Variants in SNAI3 observed in about 807,000 individuals in gnomAD.
The protein encoded by SNAI3 is zinc finger protein SNAI3.
A neutral mutation model predicts 16.4 loss-of-function variants in SNAI3; 21 were observed. That is an observed-to-expected ratio of 1.28 (90% confidence interval 0.91 to 1.85). SNAI3 has a LOEUF of 1.85. Ranked by LOEUF, SNAI3 falls within the 40% of genes most tolerant of loss-of-function variation. The probability of loss-of-function intolerance (pLI) is 0.00; values close to 1 mark genes in which losing one functional copy is unlikely to be tolerated. For synonymous variants in SNAI3, 202 were observed against 166.6 expected, an observed-to-expected ratio of 1.21 and a Z score of -1.64; for missense variants, 457 against 372.8, an observed-to-expected ratio of 1.23 and a Z score of -1.86.
In SNAI3 at chr16:88,678,578, G is replaced by C. The variant is rs539559423; in HGVS notation, c.749C>G (p.Ser250Cys). ...CGTTTGCAGATGGGCCCGAAGGTTG[G>C]AGCGGTCGGCAAAGGCCCTGCTGCA... ...SHCSRAFADR[S>C]NLRAHLQTHS... The change falls in exon 3 of 3, where the codon TCC becomes TGC. Residue 250 changes from serine (S) to cysteine (C), a missense_variant. By Grantham distance (112) the Ser-to-Cys change is moderately radical. Coordinates refer to ENST00000332281, the MANE Select transcript of SNAI3 (RefSeq NM_178310.4). 1.1e-6 allele frequency: 1 copy of C among 936,182 alleles called. No homozygotes were observed. 58.0% of individuals were successfully genotyped at this position (936,182 alleles called of 1,614,324 possible). A position where few individuals can be genotyped will look rare whatever the true frequency, so the allele number is the denominator to read the frequency against.
chr16:88,684,325 T>A (rs1482448793), intron 1 of SNAI3, among the ~76,000 whole-genome samples: 3 of 152,182 alleles, frequency 2.0e-5, no homozygotes, highest in African/African-American at 7.2e-5. Flanking sequence ...CAGGACCCTG[T>A]TTGTGGGCCC....
At chr16:88,684,037 G>A (rs1238404628) in intron 1 of SNAI3, among the ~76,000 whole-genome samples, 1 of 152,216 alleles carries the variant, frequency 6.6e-6, no homozygotes, top group African/African-American at 2.4e-5. Context: ...AGGAATAGGG[G>A]ATTCAAAGGA....
At chr16:88,682,175 C>G (rs538497270) in intron 1 of SNAI3, among the ~76,000 whole-genome samples, 366 of 152,280 alleles carry the variant, frequency 2.4e-3, no homozygotes, top group Non-Finnish European at 3.4e-3. Context: ...AAGGTGCCGG[C>G]TGAGTGTAAA....
intron 2 of SNAI3, among the ~76,000 whole-genome samples, chr16:88,680,274 G>GTTTTTTTT (rs1283235685): frequency 1.5e-5 from 1 of 66,502 alleles, no homozygotes. Context: ...TTATGTTTTT[G>GTTTTTTTT]ATTTTTTTTT....
Position 88,678,522 on chromosome 16 carries a change from G to T in SNAI3, c.805C>A (p.Arg269Ser), listed in dbSNP as rs567896201. 2.5e-6 allele frequency: 2 copies of T among 789,920 alleles called. No homozygotes were observed. Among genetic ancestry groups the T allele is most frequent in the Non-Finnish European group, 2.3e-6 (1 of 428,674 alleles). 48.9% of individuals were successfully genotyped at this position (789,920 alleles called of 1,614,324 possible). A position where few individuals can be genotyped will look rare whatever the true frequency, so the allele number is the denominator to read the frequency against. ...HSDAKKYRCR[R>S]CTKTFSRMSL... ...ATGCGGGAGAAGGTCTTGGTGCAGCGCCGGCACCGGTACTTCTTGGCGTCT... is the reference window on the plus strand; with the variant it reads ...ATGCGGGAGAAGGTCTTGGTGCAGCTCCGGCACCGGTACTTCTTGGCGTCT... Residue 269 changes from arginine to serine, a missense_variant, in exon 3 of 3, where the codon CGC becomes AGC. Arg to Ser is a moderately radical substitution (Grantham distance 110, BLOSUM62 -1). Transcript: ENST00000332281.
intron 2 of SNAI3, chr16:88,679,086 A>C (rs546889986): frequency 6.4e-5 from 63 of 985,418 alleles, no homozygotes; most frequent in Non-Finnish European, 7.5e-5. Context: ...AACACCTGTA[A>C]AGGGAAGTGT....
chr16:88,683,279 G>T (rs2142947491), intron 1 of SNAI3, among the ~76,000 whole-genome samples: 1 of 150,208 alleles, frequency 6.7e-6, no homozygotes, highest in African/African-American at 2.4e-5. Flanking sequence ...TCCCCCAGAT[G>T]GAGTCTCGCT....
intron 2 of SNAI3, chr16:88,679,168 G>A (rs1909075974): frequency 6.7e-6 from 6 of 901,608 alleles, no homozygotes; most frequent in Non-Finnish European, 8.0e-6. Context: ...GCCCCTGAGG[G>A]GCCCAGAGCA....
chr16:88,678,506 A>G lies in SNAI3; in HGVS notation c.821T>C (p.Phe274Ser). 1 of 784,318 alleles carries G rather than the reference A, an allele frequency of 1.3e-6. No homozygotes were observed. Among genetic ancestry groups the G allele is most frequent in the South Asian group, 1.3e-5 (1 of 74,678 alleles). The allele number at this position is 784,318 out of a possible 1,614,324, so 48.6% of individuals were successfully genotyped here. The change falls in exon 3 of 3, where the codon TTC (phenylalanine) becomes TCC (serine). Residue 274 changes from phenylalanine to serine, a missense_variant. Transcript: ENST00000332281. Reference protein sequence around the residue: ...KYRCRRCTKTFSRMSLLARHE... With the variant: ...KYRCRRCTKTSSRMSLLARHE... ...CCGCGCCAGGAGGGACATGCGGGAG[A>G]AGGTCTTGGTGCAGCGCCGGCACCG...
At chr16:88,684,737 G>C (rs898415244) in intron 1 of SNAI3, among the ~76,000 whole-genome samples, 2 of 152,118 alleles carry the variant, frequency 1.3e-5, no homozygotes, top group Non-Finnish European at 2.9e-5. Flanking sequence ...GTGATCTGCC[G>C]TCCTCGACCT....
At chr16:88,680,964 A>C in intron 2 of SNAI3, 130 bp downstream of exon 2, 1 of 1,347,860 alleles carries the variant, frequency 7.4e-7, no homozygotes, top group Non-Finnish European at 1.0e-6. Flanking sequence ...CAGATAAGTC[A>C]AAAGGCAGAA....
intron 1 of SNAI3, among the ~76,000 whole-genome samples, chr16:88,684,978 G>T (rs777699106): frequency 6.6e-6 from 1 of 152,204 alleles, no homozygotes. Context: ...GGGCTACAGT[G>T]AGGAGGGGAG....
chr16:88,681,495 C>A lies in SNAI3; in HGVS notation c.296G>T (p.Arg99Leu), dbSNP rs138632824. Residue 99 changes from arginine to leucine, a missense_variant, in exon 2 of 3, where the codon CGG (arginine) becomes CTG (leucine). Transcript: ENST00000332281. This position sits in a 1 kb window ranked among gnomAD's most constrained non-coding sequence, Gnocchi z 5.4. Reference sequence around the variant, plus strand: ...GTCTTTGAGGGGTACAATGGCGGCCCGGCTGGCCCGAGGGTCGACCTCGCT... The same window carrying A: ...GTCTTTGAGGGGTACAATGGCGGCCAGGCTGGCCCGAGGGTCGACCTCGCT... The part of the protein sequence containing the change: ...EVSEVDPRAS[R>L]AAIVPLKDSL... 1.8e-5 allele frequency: 28 copies of A among 1,552,866 alleles called. No homozygotes were observed. In the Admixed American group the frequency reaches 4.0e-4, roughly 22 times the overall value.
rs1465194079 is a variant in SNAI3, at chr16:88,678,704, A to G, written c.698-75T>C. ...GCTAAAGCACCCACCCTGCCCATCA[A>G]TGGATACTCCCATCCCTTCCCCACA... On this transcript the variant is annotated intron_variant, in intron 2 of 2. Transcript: ENST00000332281. The G allele has an allele frequency of 5.3e-5, 80 of 1,518,690 alleles. 1 individual carries two copies. The South Asian group carries it at 8.6e-4, about 16-fold the overall frequency. The allele number at this position is 1,518,690 out of a possible 1,614,324, so 94.1% of individuals were successfully genotyped here.
rs754980256 is a variant in SNAI3 at position 88,686,401 on chromosome 16, C to A, written c.6G>T (p.Pro2=). M[P]RSFLVKTHSS... ...AGTGCGTTTTCACCAGGAAGGAGCG[C>A]GGCATGTTCCCCTCCCGGGCGGCAG... Residue 2 remains proline, a synonymous_variant, in exon 1 of 3, where the codon CCG becomes CCT. Transcript: ENST00000332281. 2 of 1,610,782 alleles carry A rather than the reference C, an allele frequency of 1.2e-6. No homozygotes were observed. The highest frequency in any genetic ancestry group is 1.7e-6 in the Non-Finnish European group (2 of 1,179,388).
chr16:88,682,735 A>G (rs1339099612), intron 1 of SNAI3, among the ~76,000 whole-genome samples: 2 of 147,278 alleles, frequency 1.4e-5, no homozygotes, highest in Non-Finnish European at 3.0e-5. Flanking sequence ...AAAAAGACAA[A>G]TAATACAATT....
intron 1 of SNAI3, 52 bp downstream of exon 1, chr16:88,686,279 C>T: frequency 1.9e-6 from 3 of 1,591,140 alleles, no homozygotes; most frequent in Non-Finnish European, 2.6e-6. Context: ...CTCTCTCTCC[C>T]GCCCCTCAGG....
At position 88,681,997 on chromosome 16, in the gene SNAI3, C is replaced by G. The variant is rs375544747; in HGVS notation, c.77-283G>C. Among the ~76,000 whole-genome samples, 106 of 152,104 alleles carry G rather than the reference C, an allele frequency of 7.0e-4. No homozygotes were observed. Among genetic ancestry groups the G allele is most frequent in the African/African-American group, 2.5e-3 (104 of 41,410 alleles). On this transcript the variant is annotated intron_variant, in intron 1 of 2. Coordinates refer to ENST00000332281, the MANE Select transcript of SNAI3 (RefSeq NM_178310.4). This position sits in a 1 kb window ranked among gnomAD's most constrained non-coding sequence, Gnocchi z 5.4. ...AACACAAAGAAACATCTGACGGGACCCTTTGTGTTCAGGAACATGAAACAG... is the reference window on the plus strand; with the variant it reads ...AACACAAAGAAACATCTGACGGGACGCTTTGTGTTCAGGAACATGAAACAG...
intron 1 of SNAI3, chr16:88,686,090 T>G: frequency 1.8e-6 from 1 of 542,870 alleles, no homozygotes. Context: ...CTTAGAAAAC[T>G]TCTCCAAGTT....
Sources: allele counts gnomAD v4.1 joint callset (sites outside exome capture counted in the v4.1 genomes callset), GRCh38; gene constraint gnomAD v4.1.1; non-coding constraint Gnocchi (gnomAD v3.1); transcripts MANE v1.5; gene names NCBI Gene and HGNC (gene_info 2026-07-23, HGNC 2026-07-21).